Variants in TSPAN11 observed in about 807,000 individuals in gnomAD.
TSPAN11 encodes the protein tetraspanin-11.
TSPAN11 carries 29 observed loss-of-function variants against 32.9 expected under a neutral mutation model. The observed-to-expected ratio is 0.88, with a 90% CI of 0.66 to 1.20. TSPAN11 has a LOEUF of 1.20. TSPAN11 is among the 50% of genes most tolerant of loss of function. TSPAN11 has a pLI of 0.00. For missense variants in TSPAN11, 283 were observed against 329.1 expected (o/e 0.86, Z 1.08); for synonymous variants, 140 against 141.3 (o/e 0.99, Z 0.07).
At chr12:30,953,194 T>C (rs149968485) in intron 1 of TSPAN11, among the ~76,000 whole-genome samples, 1 of 152,306 alleles carries the variant, frequency 6.6e-6, no homozygotes, top group East Asian at 1.9e-4. Context: ...ATAGCTAACA[T>C]TGAACACTTA....
chr12:30,960,150 G>A (rs12825404), intron 2 of TSPAN11, among the ~76,000 whole-genome samples: 24 of 151,572 alleles, frequency 1.6e-4, no homozygotes, highest in African/African-American at 4.9e-4. Context: ...GGGTGATGGC[G>A]CGGCGCCATG....
At chr12:30,946,208 G>A (rs1003883847) in intron 1 of TSPAN11, among the ~76,000 whole-genome samples, 7 of 152,156 alleles carry the variant, frequency 4.6e-5, no homozygotes, top group Non-Finnish European at 7.4e-5. Context: ...CATATTCCAA[G>A]AAATCCCCCT....
rs1482755563 is a variant in TSPAN11, at chr12:30,975,657, CA to C, written c.277-2903del. On this transcript the variant is annotated intron_variant, in intron 3 of 7. Coordinates refer to ENST00000546076, the MANE Select transcript of TSPAN11 (RefSeq NM_001370302.1). The surrounding 1 kb of genome is among the most constrained non-coding windows in gnomAD (Gnocchi z 4.5). Reference sequence around the variant, plus strand: ...CTACCTCCCCATCCTCCCTGTTCCCCACCCCGTCTTCAATAGTAACTGGGGC... The same window carrying C: ...CTACCTCCCCATCCTCCCTGTTCCCCCCCCGTCTTCAATAGTAACTGGGGC... 2.6e-4 allele frequency among the ~76,000 whole-genome samples: 40 copies of C among 152,198 alleles called. No individual in the cohort carries two copies. Among genetic ancestry groups the C allele is most frequent in the African/African-American group, 8.4e-4 (35 of 41,516 alleles).
intron 3 of TSPAN11, among the ~76,000 whole-genome samples, chr12:30,976,976 G>A (rs1387207074): frequency 6.6e-6 from 1 of 152,194 alleles, no homozygotes; most frequent in Non-Finnish European, 1.5e-5. Context: ...TTGGCCTCAG[G>A]CCCCACAAAT....
At chr12:30,974,695 C>T (rs1021622757) in intron 3 of TSPAN11, among the ~76,000 whole-genome samples, 4 of 152,172 alleles carry the variant, frequency 2.6e-5, no homozygotes, top group Admixed American at 2.0e-4. Flanking sequence ...CCTGTTTCTC[C>T]GAAGCTCACA....
downstream of TSPAN11, among the ~76,000 whole-genome samples, chr12:30,998,706 T>C (rs570857923): frequency 1.3e-5 from 2 of 152,206 alleles, no homozygotes; most frequent in Non-Finnish European, 2.9e-5. Flanking sequence ...ACAACGTCAC[T>C]GCAGTAAGGA....
In TSPAN11 at chr12:30,963,908, C is replaced by A. The variant is rs1565796553; in HGVS notation, c.167C>A (p.Thr56Asn). The change falls in exon 3 of 8, where the codon ACC (threonine) becomes AAC (asparagine). Residue 56 changes from threonine (T) to asparagine (N), a missense_variant. Transcript: ENST00000546076. ...TACCTCAGCGTCCTGGCCTCCAGCACCTTTGCCGCCTCCGCCTACATCCTC... is the reference window on the plus strand; with the variant it reads ...TACCTCAGCGTCCTGGCCTCCAGCAACTTTGCCGCCTCCGCCTACATCCTC... ...SGYLSVLASS[T>N]FAASAYILIF... The A allele has an allele frequency of 5.6e-6, 9 of 1,613,850 alleles. No individual in the cohort carries two copies. The highest frequency in any genetic ancestry group is 6.8e-6 in the Non-Finnish European group (8 of 1,180,030).
At chr12:30,936,372 G>T in intron 1 of TSPAN11, among the ~76,000 whole-genome samples, 1 of 152,066 alleles carries the variant, frequency 6.6e-6, no homozygotes, top group South Asian at 2.1e-4. Context: ...TTTTTCTTTG[G>T]GAATCTCTAG....
chr12:30,979,911 C>A (rs1176835626), intron 5 of TSPAN11, among the ~76,000 whole-genome samples: 1 of 152,234 alleles, frequency 6.6e-6, no homozygotes, highest in African/African-American at 2.4e-5. Flanking sequence ...CCGACCACCT[C>A]CTCCAGGCCC....
At chr12:30,951,030 A>G (rs1938371048) in intron 1 of TSPAN11, among the ~76,000 whole-genome samples, 1 of 152,226 alleles carries the variant, frequency 6.6e-6, no homozygotes, top group Non-Finnish European at 1.5e-5. Context: ...TCATAGTGGG[A>G]GTCTGTAATA....
intron 3 of TSPAN11, among the ~76,000 whole-genome samples, chr12:30,973,551 C>T (rs1938896941): frequency 6.6e-6 from 1 of 152,170 alleles, no homozygotes; most frequent in South Asian, 2.1e-4. Context: ...CTCTCCTCCT[C>T]TACTAAGTTT....
chr12:30,931,876 T>TA (rs1204799442), intron 1 of TSPAN11, among the ~76,000 whole-genome samples: 3 of 15,002 alleles, frequency 2.0e-4, no homozygotes, highest in African/African-American at 1.1e-3. Context: ...TGAGACGCTG[T>TA]ATCAAAAAAA....
At chr12:31,012,399 T>G in the TSPAN11 span, 1 of 152,396 alleles carries the variant, frequency 6.6e-6, no homozygotes, top group East Asian at 1.9e-4. Context: ...ATGATGCATG[T>G]GTATCATACA....
the TSPAN11 span, among the ~76,000 whole-genome samples, chr12:31,003,730 C>T: frequency 4.0e-4 from 61 of 152,142 alleles, no homozygotes; most frequent in African/African-American, 1.3e-3. Context: ...TTGGGGTTCC[C>T]GGGGAGGACT....
chr12:30,928,417 T>G (rs1937846817), intron 1 of TSPAN11, among the ~76,000 whole-genome samples: 1 of 152,108 alleles, frequency 6.6e-6, no homozygotes, highest in East Asian at 1.9e-4. Flanking sequence ...GTTCTATCTC[T>G]TGGGTTACAG....
chr12:30,958,400 C>G (rs1198381539), intron 2 of TSPAN11, among the ~76,000 whole-genome samples: 1 of 152,194 alleles, frequency 6.6e-6, no homozygotes, highest in Non-Finnish European at 1.5e-5. Flanking sequence ...GCCTGGCACT[C>G]AGAGAAGGTC....
At chr12:30,970,582 C>T (rs150728019) in intron 3 of TSPAN11, among the ~76,000 whole-genome samples, 133 of 152,310 alleles carry the variant, frequency 8.7e-4, no homozygotes, top group African/African-American at 3.1e-3. Flanking sequence ...CGGCTCTCTG[C>T]ACCCTAGCCC....
Position 30,954,363 on chromosome 12 carries a change from C to T in TSPAN11, c.84+288C>T, listed in dbSNP as rs533745027. The stretch of plus-strand genomic sequence containing the variant: ...TTCTAGCCCTGCTGTACAAAGGGTC[C>T]GGTTCTTTCTTCCCCACTAACTTGT... On this transcript the variant is annotated intron_variant, in intron 2 of 7. Coordinates refer to ENST00000546076, the MANE Select transcript of TSPAN11 (RefSeq NM_001370302.1). 15 of 360,128 alleles carry T rather than the reference C, an allele frequency of 4.2e-5. No homozygotes were observed. In the Admixed American group the frequency reaches 5.0e-4, roughly 12 times the overall value. The allele number at this position is 360,128 out of a possible 1,614,324, so 22.3% of individuals were successfully genotyped here.
chr12:30,954,149 C>A, intron 2 of TSPAN11, 74 bp downstream of exon 2: 1 of 1,105,386 alleles, frequency 9.0e-7, no homozygotes, highest in South Asian at 1.3e-5. Flanking sequence ...TTTTTTGTGT[C>A]ACCACTTTGA....
Sources: gnomAD v4.1 joint callset for allele counts (sites outside exome capture counted in the v4.1 genomes callset) on GRCh38, gnomAD v4.1.1 for gene constraint, Gnocchi (gnomAD v3.1) non-coding constraint, MANE v1.5 for transcripts, NCBI Gene and HGNC (gene_info 2026-07-23, HGNC 2026-07-21) for gene names.